The following PSMD3 variants were observed in gnomAD, a reference collection of about 807,000 sequenced individuals.
PSMD3 encodes 26S proteasome non-ATPase regulatory subunit 3.
In PSMD3, 5 loss-of-function variants were observed where a neutral mutation model predicts 62.8. The ratio of observed to expected loss-of-function variants is 0.08; its 90% CI spans 0.04 to 0.17. The LOEUF is 0.17. Among genes scored for constraint, PSMD3 ranks in the 10% least tolerant of loss-of-function variants. The pLI is 1.00. For missense variants in PSMD3, 524 were observed against 713.6 expected, an observed-to-expected ratio of 0.73 and a Z score of 3.03; for synonymous variants, 265 against 283.9, an observed-to-expected ratio of 0.93 and a Z score of 0.67.
At chr17:39,992,199 T>C (rs1432319612) in intron 6 of PSMD3, among the ~76,000 whole-genome samples, 1 of 152,124 alleles carries the variant, frequency 6.6e-6, no homozygotes, top group Non-Finnish European at 1.5e-5. Flanking sequence ...AATTAACATA[T>C]ATAAAATGTG....
rs185407743 is a variant in PSMD3 at position 39,992,025 on chromosome 17, A to G, written c.981+1828A>G. Reference sequence around the variant, plus strand: ...GGGCGACAGAGCAAGACTCTGTCTCAAAAAAAAACAAACATTAAAATTGAA... The same window carrying G: ...GGGCGACAGAGCAAGACTCTGTCTCGAAAAAAAACAAACATTAAAATTGAA... On this transcript the variant is annotated intron_variant, in intron 6 of 11. Coordinates refer to ENST00000264639, the MANE Select transcript of PSMD3 (RefSeq NM_002809.4). Among the ~76,000 whole-genome samples the G allele has an allele frequency of 7.3e-5, 10 of 136,084 alleles. 1 individual carries two copies. In the East Asian group the frequency reaches 1.8e-3, roughly 25 times the overall value. The allele number at this position is 136,084 out of a possible 152,430, so 89.3% of individuals were successfully genotyped here.
chr17:39,988,959 C>T (rs976462343), intron 4 of PSMD3, 140 bp downstream of exon 4: 42 of 1,165,742 alleles, frequency 3.6e-5, no homozygotes, highest in Admixed American at 1.8e-4. Flanking sequence ...CCATGCCCTG[C>T]GCCACGTGAG....
chr17:39,985,046 G>A (rs368754308), intron 2 of PSMD3, among the ~76,000 whole-genome samples: 85 of 152,102 alleles, frequency 5.6e-4, no homozygotes, highest in African/African-American at 1.9e-3. Flanking sequence ...TGGGCGACAT[G>A]GTGAGACCCT....
At chr17:39,990,343 A>G in intron 6 of PSMD3, 146 bp downstream of exon 6, 1 of 665,158 alleles carries the variant, frequency 1.5e-6, no homozygotes, top group Non-Finnish European at 2.5e-6. Flanking sequence ...GATCACAGGT[A>G]TGAGCCACCA....
At chr17:39,993,379 C>CT (rs1200081042) in intron 6 of PSMD3, 4 of 152,234 alleles carry the variant, frequency 2.6e-5, no homozygotes, top group Admixed American at 1.3e-4. Flanking sequence ...GCCCATAACA[C>CT]TAACTCTGAC....
At chr17:39,986,390 C>A (rs1980524521) in intron 2 of PSMD3, among the ~76,000 whole-genome samples, 185 bp from the exon 3 acceptor site, 1 of 152,222 alleles carries the variant, frequency 6.6e-6, no homozygotes. Context: ...GCCACCACAC[C>A]CAGCTCCTCC....
At chr17:39,992,024 C>CAAAAAAAAAAAAAAAAAAAA (rs59894264) in intron 6 of PSMD3, among the ~76,000 whole-genome samples, 18 of 102,070 alleles carry the variant, frequency 1.8e-4, no homozygotes, top group Non-Finnish European at 2.8e-4. Flanking sequence ...GACTCTGTCT[C>CAAAAAAAAAAAAAAAAAAAA]AAAAAAAAAC....
intron 6 of PSMD3, chr17:39,993,015 C>T (rs1312227028): frequency 1.3e-5 from 2 of 152,278 alleles, no homozygotes; most frequent in Non-Finnish European, 1.5e-5. Context: ...TCTGCTGGCA[C>T]TGCCACCGCA....
rs1453802133 is a variant in PSMD3, at chr17:39,990,132, C to G, written c.916C>G (p.Arg306Gly). 1.2e-6 allele frequency: 2 copies of G among 1,614,052 alleles called. No homozygotes were observed. Among genetic ancestry groups the G allele is most frequent in the Non-Finnish European group, 1.7e-6 (2 of 1,180,014 alleles). The change falls in exon 6 of 12, where the codon CGG becomes GGG. Residue 306 changes from arginine (R) to glycine (G), a missense_variant. Around this residue, in one of 4 missense-constraint regions of PSMD3, gnomAD observed 396 missense variants for 475.8 expected, o/e 0.83. Coordinates refer to ENST00000264639, the MANE Select transcript of PSMD3 (RefSeq NM_002809.4). ...KAIQLEYSEA[R>G]RTMTNALRKA... ...CATCCAGCTGGAGTACTCAGAGGCC[C>G]GGAGAACGATGACCAACGCCCTTCG...
intron 6 of PSMD3, among the ~76,000 whole-genome samples, chr17:39,991,300 G>A (rs777084695): frequency 3.3e-5 from 5 of 152,060 alleles, no homozygotes; most frequent in Non-Finnish European, 5.9e-5. Flanking sequence ...GATTACAGGC[G>A]CCTGCCACCA....
intron 1 of PSMD3, among the ~76,000 whole-genome samples, chr17:39,983,553 G>T (rs938860867): frequency 6.6e-6 from 1 of 151,950 alleles, no homozygotes; most frequent in African/African-American, 2.4e-5. Context: ...ATGAATCTTT[G>T]ATCACATTTG....
intron 6 of PSMD3, 35 bp from the exon 7 acceptor site, chr17:39,994,919 C>T (rs1568139172): frequency 8.8e-6 from 14 of 1,587,004 alleles, no homozygotes; most frequent in Non-Finnish European, 1.2e-5. Flanking sequence ...CCATGGGGCT[C>T]CCTGCCCACT....
chr17:39,983,994 T>G (rs947548575), intron 1 of PSMD3, among the ~76,000 whole-genome samples: 1 of 151,886 alleles, frequency 6.6e-6, no homozygotes, highest in Non-Finnish European at 1.5e-5. Flanking sequence ...GGTCAGGAGA[T>G]CGAGACCATC....
chr17:39,983,923 G>A (rs1277401837), intron 1 of PSMD3, among the ~76,000 whole-genome samples: 3 of 151,330 alleles, frequency 2.0e-5, no homozygotes, highest in African/African-American at 4.9e-5. Flanking sequence ...TTGCCTGGCC[G>A]GCACGGTGGC....
intron 6 of PSMD3, chr17:39,993,808 A>G (rs529817546): frequency 2.6e-5 from 4 of 152,302 alleles, no homozygotes; most frequent in Non-Finnish European, 5.9e-5. Flanking sequence ...CTTGTGAGGT[A>G]GACAGGCTAG....
rs988950802 is a variant in PSMD3 at position 39,997,804 on chromosome 17, C to T, written c.*223C>T. ...CAGGAGGGTGGGCAGGCAACCTCCC[C>T]GGGCAGGGTCCTGGCCAGCAGTGTG... is the stretch of plus-strand genomic sequence containing the variant. On this transcript the variant is annotated 3_prime_UTR_variant, in exon 12 of 12. Coordinates refer to ENST00000264639, the MANE Select transcript of PSMD3 (RefSeq NM_002809.4). 3.2e-5 allele frequency: 19 copies of T among 593,364 alleles called. No individual in the cohort carries two copies. The highest frequency in any genetic ancestry group is 1.3e-4 in the African/African-American group (7 of 53,848). 36.8% of individuals were successfully genotyped at this position (593,364 alleles called of 1,614,324 possible).
At position 39,991,162 on chromosome 17, in the gene PSMD3, G is replaced by T. The variant is rs570064999; in HGVS notation, c.981+965G>T. ...ACTAATTTTTTTGTTTGTTTTTTTG[G>T]TTCTTTTTTTTGAAACGGAGTCTTG... is the stretch of plus-strand genomic sequence containing the variant. On this transcript the variant is annotated intron_variant, in intron 6 of 11. Coordinates refer to ENST00000264639, the MANE Select transcript of PSMD3 (RefSeq NM_002809.4). 2.0e-5 allele frequency among the ~76,000 whole-genome samples: 3 copies of T among 151,824 alleles called. No homozygotes were observed. The East Asian group carries it at 5.8e-4, about 29-fold the overall frequency.
At chr17:39,990,938 G>C (rs951110290) in intron 6 of PSMD3, among the ~76,000 whole-genome samples, 2 of 152,078 alleles carry the variant, frequency 1.3e-5, no homozygotes, top group African/African-American at 4.8e-5. Context: ...GCACTGTAAG[G>C]GATAGGAAGG....
chr17:39,980,965 G>C lies in PSMD3; in HGVS notation c.-6G>C, dbSNP rs1980365410. On this transcript the variant is annotated 5_prime_UTR_variant, in exon 1 of 12. Transcript: ENST00000264639. ...GTCCCCGGACTAGGCCGTGACCCCGGGTGCCATGAAGCAGGAGGGCTCGGC... is the reference window on the plus strand; with the variant it reads ...GTCCCCGGACTAGGCCGTGACCCCGCGTGCCATGAAGCAGGAGGGCTCGGC... The C allele has an allele frequency of 6.5e-7, 1 of 1,529,546 alleles. No homozygotes were observed. The highest frequency in any genetic ancestry group is 8.8e-7 in the Non-Finnish European group (1 of 1,141,492). The allele number at this position is 1,529,546 out of a possible 1,614,324, so 94.7% of individuals were successfully genotyped here.
Sources: allele counts gnomAD v4.1 joint callset (sites outside exome capture counted in the v4.1 genomes callset), GRCh38; gene constraint gnomAD v4.1.1; regional missense constraint gnomAD v4.1.1; transcripts MANE v1.5; gene names NCBI Gene and HGNC (gene_info 2026-07-23, HGNC 2026-07-21).